Variants in MGAT4C observed in about 807,000 individuals in gnomAD.
MGAT4C encodes the protein MGAT4 family member C.
A neutral mutation model predicts 40.1 loss-of-function variants in MGAT4C; 19 were observed. That is an observed-to-expected ratio of 0.47 (90% CI 0.33 to 0.70). The LOEUF is 0.70. MGAT4C is among the 30% of genes least tolerant of loss of function. The pLI is 0.02. For synonymous variants in MGAT4C, 181 were observed against 187.1 expected, an observed-to-expected ratio of 0.97 and a Z score of 0.27; for missense variants, 491 against 563.2, an observed-to-expected ratio of 0.87 and a Z score of 1.30.
chr12:86,804,197 A>G (rs1030438070), intron 1 of MGAT4C, among the ~76,000 whole-genome samples: 2 of 149,174 alleles, frequency 1.3e-5, no homozygotes, highest in Admixed American at 6.8e-5. Flanking sequence ...ATTCTCACTC[A>G]TAGGTGGGAA....
intron 1 of MGAT4C, among the ~76,000 whole-genome samples, chr12:86,742,491 C>G (rs1037392945): frequency 2.4e-4 from 37 of 151,594 alleles, no homozygotes; most frequent in African/African-American, 8.9e-4. Context: ...TCTGCTTCCA[C>G]CTTGCTCCAT....
intron 1 of MGAT4C, among the ~76,000 whole-genome samples, chr12:86,790,755 A>G (rs1031391513): frequency 1.3e-5 from 2 of 152,128 alleles, no homozygotes; most frequent in Non-Finnish European, 2.9e-5. Flanking sequence ...GACTAATAAA[A>G]TTGAATCTCT....
At chr12:86,193,229 C>T (rs1176683737) in intron 1 of MGAT4C, among the ~76,000 whole-genome samples, 2 of 150,204 alleles carry the variant, frequency 1.3e-5, no homozygotes, top group African/African-American at 4.9e-5. Flanking sequence ...TTTTATTTTC[C>T]ACTTTATTAG....
intron 2 of MGAT4C, among the ~76,000 whole-genome samples, chr12:86,719,185 T>G (rs1004442387): frequency 3.3e-5 from 5 of 152,188 alleles, no homozygotes; most frequent in African/African-American, 1.2e-4. Flanking sequence ...CAAGTACTTA[T>G]ACTTTCACTA....
chr12:86,724,328 C>T (rs1057457858), intron 2 of MGAT4C, among the ~76,000 whole-genome samples: 7 of 152,146 alleles, frequency 4.6e-5, no homozygotes, highest in African/African-American at 1.7e-4. Flanking sequence ...TTTAATGATG[C>T]AATTGGTCTT....
intron 2 of MGAT4C, among the ~76,000 whole-genome samples, chr12:86,601,650 C>T (rs1214012643): frequency 6.6e-6 from 1 of 152,186 alleles, no homozygotes; most frequent in East Asian, 1.9e-4. Context: ...TAACATTTCC[C>T]TGCTGGCTCA....
chr12:86,703,760 T>A (rs779326685), intron 2 of MGAT4C, among the ~76,000 whole-genome samples: 1 of 152,160 alleles, frequency 6.6e-6, no homozygotes, highest in Non-Finnish European at 1.5e-5. Flanking sequence ...TATGTATGCC[T>A]CTACTTAAAA....
At chr12:86,103,233 T>C (rs1352915010) in intron 1 of MGAT4C, among the ~76,000 whole-genome samples, 1 of 152,154 alleles carries the variant, frequency 6.6e-6, no homozygotes, top group Non-Finnish European at 1.5e-5. Flanking sequence ...GAATGTTACC[T>C]TATAAGGCAA....
chr12:86,371,790 T>C (rs1389239053), intron 3 of MGAT4C, among the ~76,000 whole-genome samples: 1 of 152,020 alleles, frequency 6.6e-6, no homozygotes, highest in East Asian at 1.9e-4. Flanking sequence ...GTTCAGTTCT[T>C]ATTATATTGA....
At chr12:86,251,984 A>T (rs1952304336) in intron 1 of MGAT4C, among the ~76,000 whole-genome samples, 1 of 152,100 alleles carries the variant, frequency 6.6e-6, no homozygotes, top group African/African-American at 2.4e-5. Context: ...GTTGTTAAAA[A>T]TAGCTAAACC....
At chr12:86,748,491 T>G (rs1162676939) in intron 1 of MGAT4C, among the ~76,000 whole-genome samples, 1 of 151,654 alleles carries the variant, frequency 6.6e-6, no homozygotes, top group African/African-American at 2.4e-5. Context: ...ACTTTAACAT[T>G]TAGGAAATAC....
intron 2 of MGAT4C, among the ~76,000 whole-genome samples, chr12:86,446,981 A>C (rs1957352054): frequency 6.6e-6 from 1 of 152,062 alleles, no homozygotes; most frequent in South Asian, 2.1e-4. Context: ...ATCAAAAGAT[A>C]AGTTTGGAAT....
intron 1 of MGAT4C, among the ~76,000 whole-genome samples, chr12:86,166,300 C>G (rs937969205): frequency 6.6e-6 from 1 of 152,066 alleles, no homozygotes; most frequent in Admixed American, 6.6e-5. Flanking sequence ...TGTAGAATTT[C>G]CAAGGTTGAA....
chr12:86,001,958 A>AT (rs1357840937), intron 2 of MGAT4C: 2 of 152,018 alleles, frequency 1.3e-5, no homozygotes, highest in Admixed American at 6.6e-5. Flanking sequence ...GAAACTGAAG[A>AT]TTTTCCCGAA....
chr12:86,236,902 T>C (rs1951575274), intron 1 of MGAT4C, among the ~76,000 whole-genome samples: 1 of 151,772 alleles, frequency 6.6e-6, no homozygotes. Flanking sequence ...CAAAAAACAT[T>C]AGCCAAATTT....
intron 1 of MGAT4C, among the ~76,000 whole-genome samples, chr12:86,770,726 T>C (rs1216968354): frequency 2.6e-5 from 4 of 152,142 alleles, no homozygotes; most frequent in African/African-American, 7.2e-5. Context: ...TATTCTTGAA[T>C]ATAGTTAATA....
At chr12:86,404,614 C>T (rs1344504787) in intron 3 of MGAT4C, among the ~76,000 whole-genome samples, 6 of 152,020 alleles carry the variant, frequency 3.9e-5, no homozygotes, top group Non-Finnish European at 8.8e-5. Context: ...AAACTTCTGA[C>T]CTCCAGTACT....
intron 4 of MGAT4C, among the ~76,000 whole-genome samples, chr12:86,263,415 G>A (rs2136098463): frequency 6.6e-6 from 1 of 152,166 alleles, no homozygotes; most frequent in South Asian, 2.1e-4. Flanking sequence ...ACTTATGACT[G>A]AGAATACACA....
chr12:86,185,104 G>A (rs571365165), intron 1 of MGAT4C, among the ~76,000 whole-genome samples: 32 of 152,184 alleles, frequency 2.1e-4, no homozygotes, highest in South Asian at 4.2e-4. Flanking sequence ...GGTGTTGCCC[G>A]ACTCTGGAAT....
Sources: allele counts gnomAD v4.1 joint callset (sites outside exome capture counted in the v4.1 genomes callset), GRCh38; gene constraint gnomAD v4.1.1; transcripts MANE v1.5; gene names NCBI Gene and HGNC (gene_info 2026-07-23, HGNC 2026-07-21).